The following SYNDIG1 variants were observed in gnomAD, a reference collection of about 807,000 sequenced individuals.
The protein encoded by SYNDIG1 is synapse differentiation-inducing gene protein 1.
SYNDIG1 carries 9 observed loss-of-function variants against 19.4 expected under a neutral mutation model. The observed-to-expected ratio is 0.46, with a 90% CI of 0.28 to 0.81. The LOEUF is 0.81. SYNDIG1 is among the 30% of genes least tolerant of loss of function. SYNDIG1 has a pLI of 0.12. For missense variants in SYNDIG1, 311 were observed against 343.3 expected, an observed-to-expected ratio of 0.91 and a Z score of 0.74; for synonymous variants, 141 against 145.9, an observed-to-expected ratio of 0.97 and a Z score of 0.24.
At chr20:24,560,027 G>A (rs1471098262) in intron 2 of SYNDIG1, among the ~76,000 whole-genome samples, 2 of 23,592 alleles carry the variant, frequency 8.5e-5, no homozygotes, top group East Asian at 9.2e-4. Flanking sequence ...TTATTTCTTT[G>A]ACTTTTTTTT....
At chr20:24,618,363 A>T (rs2058981831) in intron 3 of SYNDIG1, among the ~76,000 whole-genome samples, 1 of 134,582 alleles carries the variant, frequency 7.4e-6, no homozygotes, top group South Asian at 2.5e-4. Context: ...GAGGGGGGAG[A>T]GCCTGGGGAA....
chr20:24,665,126 C>T (rs1440762539), intron 3 of SYNDIG1, among the ~76,000 whole-genome samples: 1 of 152,118 alleles, frequency 6.6e-6, no homozygotes, highest in Non-Finnish European at 1.5e-5. Flanking sequence ...AGTCTGTCTT[C>T]CCTGCGGTGT....
rs554632013 is a variant in SYNDIG1, at chr20:24,480,353, A to G, written c.-79+10600A>G. 3.1e-3 allele frequency among the ~76,000 whole-genome samples: 472 copies of G among 152,368 alleles called. 1 individual carries two copies. The highest frequency in any genetic ancestry group is 0.011 in the African/African-American group (459 of 41,580). Reference sequence around the variant, plus strand: ...CAGAAGTTCATGAAATTTAGGCTACAGTACTAAATTTTTTTCAGTGAAGAA... The same window carrying G: ...CAGAAGTTCATGAAATTTAGGCTACGGTACTAAATTTTTTTCAGTGAAGAA... On this transcript the variant is annotated intron_variant, in intron 1 of 3. Coordinates refer to ENST00000376862, the MANE Select transcript of SYNDIG1 (RefSeq NM_024893.3).
intron 3 of SYNDIG1, among the ~76,000 whole-genome samples, chr20:24,660,654 C>T (rs1439956668): frequency 2.0e-5 from 3 of 152,270 alleles, no homozygotes; most frequent in Non-Finnish European, 2.9e-5. Context: ...CTCTCGTACA[C>T]GGCTTGCTTT....
chr20:24,528,623 C>G (rs899044972), intron 1 of SYNDIG1, among the ~76,000 whole-genome samples: 1 of 152,194 alleles, frequency 6.6e-6, no homozygotes, highest in African/African-American at 2.4e-5. Flanking sequence ...CCCTCAAGCC[C>G]TTTTGTACAG....
chr20:24,513,278 T>G (rs1418822223), intron 1 of SYNDIG1, among the ~76,000 whole-genome samples: 3 of 152,188 alleles, frequency 2.0e-5, no homozygotes, highest in Non-Finnish European at 4.4e-5. Context: ...GGATGGAGAA[T>G]GACTTTGACA....
chr20:24,473,842 A>G (rs1340936745), intron 1 of SYNDIG1, among the ~76,000 whole-genome samples: 1 of 152,262 alleles, frequency 6.6e-6, no homozygotes, highest in Non-Finnish European at 1.5e-5. Flanking sequence ...CTGTGACAAC[A>G]TTAACGCTTG....
At chr20:24,578,636 A>G (rs1373642043) in intron 2 of SYNDIG1, among the ~76,000 whole-genome samples, 1 of 152,104 alleles carries the variant, frequency 6.6e-6, no homozygotes, top group African/African-American at 2.4e-5. Flanking sequence ...AAAAGCCTCA[A>G]ATGAAGTGGG....
intron 1 of SYNDIG1, among the ~76,000 whole-genome samples, chr20:24,475,430 A>G (rs1008864856): frequency 1.3e-5 from 2 of 152,354 alleles, no homozygotes; most frequent in Non-Finnish European, 2.9e-5. Flanking sequence ...CCCATCACCC[A>G]TGTGTCTCCC....
intron 1 of SYNDIG1, among the ~76,000 whole-genome samples, chr20:24,484,510 CCTT>C (rs1488299277): frequency 6.6e-6 from 1 of 152,170 alleles, no homozygotes; most frequent in Non-Finnish European, 1.5e-5. Context: ...TCGCCACACT[CCTT>C]CTGTTCAGGG....
intron 1 of SYNDIG1, among the ~76,000 whole-genome samples, chr20:24,500,534 T>TTTCTTTCTTCTTTCTTTCTTTC (rs1555786871): frequency 5.6e-5 from 8 of 142,734 alleles, no homozygotes; most frequent in African/African-American, 1.9e-4. Flanking sequence ...TTCTTTCTTC[T>TTTCTTTCTTCTTTCTTTCTTTC]TTCTTTCTTT....
chr20:24,550,633 C>T (rs1030147505), intron 2 of SYNDIG1, among the ~76,000 whole-genome samples: 26 of 152,038 alleles, frequency 1.7e-4, no homozygotes, highest in Middle Eastern at 3.4e-3. Context: ...CTCAGCCTCC[C>T]GAGTAGCTGG....
intron 2 of SYNDIG1, among the ~76,000 whole-genome samples, chr20:24,580,086 G>T (rs2058297011): frequency 6.6e-6 from 1 of 152,106 alleles, no homozygotes; most frequent in Admixed American, 6.5e-5. Context: ...CAAAACTATG[G>T]GACCTCTGCA....
At chr20:24,592,266 C>T (rs1169829041) in intron 3 of SYNDIG1, among the ~76,000 whole-genome samples, 1 of 152,152 alleles carries the variant, frequency 6.6e-6, no homozygotes, top group African/African-American at 2.4e-5. Flanking sequence ...TCAAGTAAGC[C>T]TTGTAGGACA....
intron 3 of SYNDIG1, among the ~76,000 whole-genome samples, chr20:24,628,805 G>A (rs1167207412): frequency 6.6e-6 from 1 of 152,146 alleles, no homozygotes; most frequent in Non-Finnish European, 1.5e-5. Flanking sequence ...ATCCGGAGTT[G>A]CATCCTCCAC....
chr20:24,581,583 AC>A (rs1156605225), intron 2 of SYNDIG1, among the ~76,000 whole-genome samples: 1 of 151,928 alleles, frequency 6.6e-6, no homozygotes, highest in Admixed American at 6.5e-5. Flanking sequence ...GCTCTCTGAC[AC>A]CCCCGAAGCC....
At chr20:24,586,046 C>G (rs2058412376) in intron 3 of SYNDIG1, among the ~76,000 whole-genome samples, 1 of 152,334 alleles carries the variant, frequency 6.6e-6, no homozygotes, top group African/African-American at 2.4e-5. Flanking sequence ...GAGAATCCGC[C>G]CTGCCTTTAT....
intron 3 of SYNDIG1, among the ~76,000 whole-genome samples, chr20:24,628,326 C>T (rs1264274112): frequency 6.6e-6 from 1 of 152,228 alleles, no homozygotes; most frequent in African/African-American, 2.4e-5. Context: ...TACTCCTCTG[C>T]AGTCAGCAGC....
chr20:24,582,114 A>C (rs2058335637), intron 2 of SYNDIG1, among the ~76,000 whole-genome samples: 1 of 72,840 alleles, frequency 1.4e-5, no homozygotes, highest in Non-Finnish European at 2.6e-5. Context: ...TCCCCCATGT[A>C]CGTCCTCCCC....
Sources: allele counts gnomAD v4.1 joint callset (sites outside exome capture counted in the v4.1 genomes callset), GRCh38; gene constraint gnomAD v4.1.1; transcripts MANE v1.5; gene names NCBI Gene and HGNC (gene_info 2026-07-23, HGNC 2026-07-21).